The following MAP7D3 variants were observed in gnomAD, a reference collection of about 807,000 sequenced individuals.
The protein encoded by MAP7D3 is MAP7 domain containing 3, also known as MAP7 domain-containing protein 3.
Under a neutral mutation model 62.2 loss-of-function variants are expected in MAP7D3, and 45 were observed. The observed-to-expected ratio is 0.72, with a 90% confidence interval of 0.57 to 0.93. The LOEUF is 0.93. Ranked by LOEUF, MAP7D3 falls within the 40% of genes least tolerant of loss-of-function variation. The pLI is 0.00. For synonymous variants in MAP7D3, 288 were observed against 248.8 expected (o/e 1.16, Z -1.48); for missense variants, 711 against 683.1 (o/e 1.04, Z -0.45).
At chrX:136,237,614 T>A (rs1363214866) in intron 6 of MAP7D3, among the ~76,000 whole-genome samples, 1 of 112,300 alleles carries the variant, frequency 8.9e-6, no homozygotes, top group East Asian at 2.8e-4. Context: ...CTTCCACACA[T>A]ACCTTCTTGT....
In MAP7D3 at chrX:136,222,442, A is replaced by T. The variant is rs1211807937; in HGVS notation, c.2238T>A (p.Ala746=). The T allele has an allele frequency of 8.3e-7, 1 of 1,209,696 alleles. No individual in the cohort carries two copies. The change falls in exon 15 of 19, where the codon GCT becomes GCA. Residue 746 remains alanine (A), a synonymous_variant. Transcript: ENST00000316077. ...AGTCCTTGTCGCTTTCTTCGTTGTCAGCCTCAGCCTCTTCATATATGTCAT... is the reference window on the plus strand; with the variant it reads ...AGTCCTTGTCGCTTTCTTCGTTGTCTGCCTCAGCCTCTTCATATATGTCAT... ...SSHDIYEEAE[A]DNEESDKDSL...
intron 6 of MAP7D3, among the ~76,000 whole-genome samples, chrX:136,238,914 T>C (rs188690106): frequency 2.1e-4 from 24 of 112,389 alleles, no homozygotes; most frequent in Admixed American, 1.9e-4. Flanking sequence ...TTTGCTGTAC[T>C]GGAATTGTAT....
chrX:136,229,305 G>A (rs5975704), intron 10 of MAP7D3, among the ~76,000 whole-genome samples: 2 of 109,927 alleles, frequency 1.8e-5, no homozygotes, highest in Non-Finnish European at 3.8e-5. Flanking sequence ...AGAGGCATAT[G>A]ATGATATTTT....
chrX:136,256,326 C>G (rs1266721273), upstream of MAP7D3: 1 of 1,155,627 alleles, frequency 8.7e-7, no homozygotes, highest in Non-Finnish European at 1.1e-6. Flanking sequence ...TCATGTCTCA[C>G]TTGGTTGATG....
At chrX:136,216,359 T>TAAAAAAAAAAAAAAAAA (rs58245551), downstream of MAP7D3, among the ~76,000 whole-genome samples, 1 of 25,488 alleles carries the variant, frequency 3.9e-5, no homozygotes, top group Admixed American at 7.4e-4. Context: ...ACCCTATCTC[T>TAAAAAAAAAAAAAAAAA]AAAAAAAAAA....
intron 1 of MAP7D3, among the ~76,000 whole-genome samples, chrX:136,248,107 A>G (rs2074468559): frequency 8.9e-6 from 1 of 111,894 alleles, no homozygotes; most frequent in Non-Finnish European, 1.9e-5. Flanking sequence ...TCAGCTACTC[A>G]GGAGGCTGAG....
At chrX:136,223,751 A>G (rs2074158082) in intron 14 of MAP7D3, among the ~76,000 whole-genome samples, 1 of 111,395 alleles carries the variant, frequency 9.0e-6, no homozygotes, top group Non-Finnish European at 1.9e-5. Context: ...CATTAAAATC[A>G]GAATGCAGGG....
At chrX:136,221,345 G>A (rs1381238612) in intron 15 of MAP7D3, among the ~76,000 whole-genome samples, 3 of 111,223 alleles carry the variant, frequency 2.7e-5, no homozygotes, top group Non-Finnish European at 5.7e-5. Context: ...TTTTTTTTGA[G>A]ACGGGAATCT....
At chrX:136,214,080 G>C (rs966800377), downstream of MAP7D3, 1 of 112,345 alleles carries the variant, frequency 8.9e-6, no homozygotes, top group Admixed American at 9.4e-5. Context: ...AGAGGTTGCA[G>C]TGAGTCAAGA....
In MAP7D3 at chrX:136,230,494, G is replaced by A; in HGVS notation, c.1641C>T (p.His547=). 8.5e-7 allele frequency: 1 copy of A among 1,178,610 alleles called. No individual in the cohort carries two copies. Among genetic ancestry groups the A allele is most frequent in the Non-Finnish European group, 1.2e-6 (1 of 865,302 alleles). ...TTGATGCACTTTGCACAGACAGGGT[G>A]TGTTGAATAGGCATTATTTTATAAG... ...SFPYKIMPIQ[H]TLSVQSASST... Residue 547 remains histidine (H), a synonymous_variant, in exon 10 of 19, where the codon CAC becomes CAT. Transcript: ENST00000316077.
In MAP7D3 at chrX:136,218,051, T is replaced by C. The variant is rs2074080183; in HGVS notation, c.*475A>G. On this transcript the variant is annotated 3_prime_UTR_variant, in exon 19 of 19. Coordinates refer to ENST00000316077, the MANE Select transcript of MAP7D3 (RefSeq NM_024597.4). ...GCCTGGGCGACAGGGCAAGACTCCGTCTCAAAAAAAAAAAAAAGAAAAAGA... is the reference window on the plus strand; with the variant it reads ...GCCTGGGCGACAGGGCAAGACTCCGCCTCAAAAAAAAAAAAAAGAAAAAGA... 9.8e-6 allele frequency: 1 copy of C among 101,796 alleles called. No individual in the cohort carries two copies. The highest frequency in any genetic ancestry group is 1.1e-4 in the Admixed American group (1 of 9,485). 8.4% of individuals were successfully genotyped at this position (101,796 alleles called of 1,213,427 possible).
At chrX:136,253,507 A>G (rs1271789519), upstream of MAP7D3, among the ~76,000 whole-genome samples, 1 of 112,564 alleles carries the variant, frequency 8.9e-6, no homozygotes, top group Non-Finnish European at 1.9e-5. Flanking sequence ...GTTCCAGATC[A>G]CAGGAGGCTA....
At chrX:136,245,940 C>CA (rs2074442809) in intron 3 of MAP7D3, 125 bp downstream of exon 3, 1 of 395,115 alleles carries the variant, frequency 2.5e-6, no homozygotes, top group African/African-American at 2.6e-5. Flanking sequence ...GGATTTAATC[C>CA]AAAATAATAC....
upstream of MAP7D3, among the ~76,000 whole-genome samples, chrX:136,254,049 A>G (rs1040624712): frequency 2.7e-5 from 3 of 110,050 alleles, no homozygotes; most frequent in African/African-American, 9.9e-5. Flanking sequence ...ATGTAGGGGT[A>G]AAGATTTGAG....
In MAP7D3 at chrX:136,222,418, G is replaced by C; in HGVS notation, c.2262C>G (p.Asp754Glu). ...CTGATGGAAACATTTCATTCAATGA[G>C]TCCTTGTCGCTTTCTTCGTTGTCAG... is the stretch of plus-strand genomic sequence containing the variant. ...AEADNEESDK[D>E]SLNEMFPSAI... Residue 754 changes from aspartate (D) to glutamate (E), a missense_variant, in exon 15 of 19, where the codon GAC (aspartate) becomes GAG (glutamate). By Grantham distance (45) the Asp-to-Glu change is conservative (BLOSUM62 2). Transcript: ENST00000316077. 1 of 1,208,722 alleles carries C rather than the reference G, an allele frequency of 8.3e-7. No individual in the cohort carries two copies. Among genetic ancestry groups the C allele is most frequent in the Non-Finnish European group, 1.1e-6 (1 of 892,907 alleles).
rs1005346709 is a variant in MAP7D3, at chrX:136,230,760, T to C, written c.1541+79A>G. The C allele has an allele frequency of 2.9e-6, 3 of 1,042,463 alleles. No homozygotes were observed. In the African/African-American group the frequency reaches 5.6e-5, roughly 20 times the overall value. 85.9% of individuals were successfully genotyped at this position (1,042,463 alleles called of 1,213,427 possible). On this transcript the variant is annotated intron_variant, in intron 9 of 18. Coordinates refer to ENST00000316077, the MANE Select transcript of MAP7D3 (RefSeq NM_024597.4). Reference sequence around the variant, plus strand: ...ATTTGTGTTACCATGCATACTATATTATTTCACTCATCAAACATTGACATG... The same window carrying C: ...ATTTGTGTTACCATGCATACTATATCATTTCACTCATCAAACATTGACATG...
At chrX:136,251,405 A>G, upstream of MAP7D3, 1 of 900,690 alleles carries the variant, frequency 1.1e-6, no homozygotes, top group East Asian at 8.7e-5. Context: ...TACATTGCGC[A>G]GGCGTCGGCG....
chrX:136,243,986 C>A (rs2074419180), intron 4 of MAP7D3, among the ~76,000 whole-genome samples: 1 of 111,230 alleles, frequency 9.0e-6, no homozygotes, highest in South Asian at 3.8e-4. Flanking sequence ...GCCAAAGACA[C>A]CAAAAGAGAA....
At chrX:136,251,405 A>C, upstream of MAP7D3, 1 of 900,692 alleles carries the variant, frequency 1.1e-6, no homozygotes, top group African/African-American at 2.3e-5. Flanking sequence ...TACATTGCGC[A>C]GGCGTCGGCG....
Sources: allele counts gnomAD v4.1 joint callset (sites outside exome capture counted in the v4.1 genomes callset), GRCh38; gene constraint gnomAD v4.1.1; transcripts MANE v1.5; gene names NCBI Gene and HGNC (gene_info 2026-07-23, HGNC 2026-07-21).